FAM3D: variants seen among roughly 807,000 people sequenced by gnomAD.
The protein encoded by FAM3D is protein FAM3D.
FAM3D carries 26 observed loss-of-function variants against 29.8 expected under a neutral mutation model. The observed-to-expected ratio is 0.87, with a 90% confidence interval of 0.64 to 1.21. The LOEUF (loss-of-function observed/expected upper bound fraction) is 1.21, where lower values mean the gene tolerates loss of function less well. Ranked by LOEUF, FAM3D falls within the 50% of genes most tolerant of loss-of-function variation. The probability of loss-of-function intolerance (pLI) is 0.00; values close to 1 mark genes in which losing one functional copy is unlikely to be tolerated. For missense variants in FAM3D, 253 were observed against 290.9 expected (o/e 0.87, Z 0.95); for synonymous variants, 115 against 102.3 (o/e 1.12, Z -0.75).
At chr3:58,662,625 C>G (rs1383306361) in intron 1 of FAM3D, among the ~76,000 whole-genome samples, 1 of 152,118 alleles carries the variant, frequency 6.6e-6, no homozygotes, top group Non-Finnish European at 1.5e-5. Context: ...TGTGGTATGC[C>G]ATCTGTGACT....
At chr3:58,654,492 T>C (rs895220790) in intron 2 of FAM3D, among the ~76,000 whole-genome samples, 5 of 152,192 alleles carry the variant, frequency 3.3e-5, no homozygotes, top group African/African-American at 7.2e-5. Context: ...GCCAGATTGC[T>C]TTCTGATTCC....
chr3:58,659,200 C>T (rs1028805448), intron 1 of FAM3D, among the ~76,000 whole-genome samples: 1 of 152,250 alleles, frequency 6.6e-6, no homozygotes, highest in Non-Finnish European at 1.5e-5. Context: ...CTCATCTCTT[C>T]CCTGTTGACA....
chr3:58,656,929 C>G (rs2066820759), intron 1 of FAM3D, among the ~76,000 whole-genome samples: 1 of 152,164 alleles, frequency 6.6e-6, no homozygotes, highest in South Asian at 2.1e-4. Flanking sequence ...GCAACAGCAG[C>G]AGCAACTGCA....
chr3:58,641,130 C>T (rs1159268906), intron 6 of FAM3D, among the ~76,000 whole-genome samples: 1 of 152,214 alleles, frequency 6.6e-6, no homozygotes, highest in Non-Finnish European at 1.5e-5. Flanking sequence ...CTTAGCAATC[C>T]TTGTGTTGTT....
chr3:58,651,039 T>G lies in FAM3D; in HGVS notation c.122-1701A>C, dbSNP rs555597189. Among the ~76,000 whole-genome samples the G allele has an allele frequency of 1.7e-3, 260 of 152,330 alleles. 1 individual carries two copies. The highest frequency in any genetic ancestry group is 6.1e-3 in the African/African-American group (254 of 41,580). ...GCTGGTCACTCTTATCCGAAAGAAC[T>G]CTGATTAACTTTCTAGGCACAGGGG... On this transcript the variant is annotated intron_variant, in intron 3 of 9. Transcript: ENST00000358781.
chr3:58,659,090 C>T (rs917776089), intron 1 of FAM3D, among the ~76,000 whole-genome samples: 1 of 152,156 alleles, frequency 6.6e-6, no homozygotes, highest in African/African-American at 2.4e-5. Flanking sequence ...TTGATTTCTT[C>T]CTTTGTGAAA....
chr3:58,652,532 C>T (rs558307323), intron 3 of FAM3D, among the ~76,000 whole-genome samples: 1 of 151,694 alleles, frequency 6.6e-6, no homozygotes, highest in Admixed American at 6.6e-5. Context: ...ACCCATCCAT[C>T]TACTCACTCA....
intron 6 of FAM3D, among the ~76,000 whole-genome samples, chr3:58,642,365 T>G (rs1295667460): frequency 6.6e-6 from 1 of 152,196 alleles, no homozygotes; most frequent in Non-Finnish European, 1.5e-5. Context: ...GGCTTGGAGC[T>G]GGCAAGGCCG....
In FAM3D at chr3:58,634,204, C is replaced by G. The variant is rs1347737346; in HGVS notation, c.*75G>C. 2.1e-6 allele frequency: 3 copies of G among 1,396,406 alleles called. No homozygotes were observed. The East Asian group carries it at 6.9e-5, about 32-fold the overall frequency. The allele number at this position is 1,396,406 out of a possible 1,614,324, so 86.5% of individuals were successfully genotyped here. ...AGCACCCCCTGCTCCTCCTCCTCAG[C>G]CCCTGCCGGGCTCTGACTCCTAAGT... is the stretch of plus-strand genomic sequence containing the variant. On this transcript the variant is annotated 3_prime_UTR_variant, in exon 10 of 10. Transcript: ENST00000358781. The surrounding 1 kb of genome is among the most constrained non-coding windows in gnomAD (Gnocchi z 4.6).
intron 8 of FAM3D, 140 bp from the exon 9 acceptor site, chr3:58,636,560 A>C (rs750187467): frequency 8.1e-7 from 1 of 1,238,312 alleles, no homozygotes; most frequent in African/African-American, 1.5e-5. Flanking sequence ...ACGTGGCTGC[A>C]CTCAGGAAGG....
chr3:58,642,758 A>AG (rs769892486), intron 6 of FAM3D, among the ~76,000 whole-genome samples: 6 of 152,148 alleles, frequency 3.9e-5, no homozygotes, highest in Admixed American at 2.0e-4. Context: ...TCCAAGCTGG[A>AG]GGGAGGTTTC....
At chr3:58,641,753 A>C (rs77891096) in intron 6 of FAM3D, among the ~76,000 whole-genome samples, 4,907 of 152,330 alleles carry the variant, frequency 0.032, 114 homozygotes, top group Non-Finnish European at 0.045. Flanking sequence ...ATGGGGTTAA[A>C]TGAAAAGGCA....
At chr3:58,650,760 C>G (rs948954635) in intron 3 of FAM3D, among the ~76,000 whole-genome samples, 18 of 152,174 alleles carry the variant, frequency 1.2e-4, no homozygotes, top group Admixed American at 1.1e-3. Flanking sequence ...CTCCGTCGCC[C>G]AGGCTGGAGT....
intron 6 of FAM3D, among the ~76,000 whole-genome samples, chr3:58,642,744 C>G (rs1330926318): frequency 1.3e-5 from 2 of 152,140 alleles, no homozygotes; most frequent in Non-Finnish European, 1.5e-5. Flanking sequence ...TCCAGCCCCC[C>G]TACTCCAAGC....
At chr3:58,664,224 G>A (rs2066986698) in intron 1 of FAM3D, among the ~76,000 whole-genome samples, 1 of 152,218 alleles carries the variant, frequency 6.6e-6, no homozygotes, top group Non-Finnish European at 1.5e-5. Context: ...TCCATGTACA[G>A]TACTTGGCAC....
intron 1 of FAM3D, among the ~76,000 whole-genome samples, chr3:58,661,459 C>G (rs1022134085): frequency 1.3e-5 from 2 of 152,224 alleles, no homozygotes; most frequent in Non-Finnish European, 2.9e-5. Flanking sequence ...TTTAGGGAGA[C>G]TTTCCTCCCA....
chr3:58,636,038 C>T (rs1165374194), intron 9 of FAM3D, among the ~76,000 whole-genome samples: 3 of 152,232 alleles, frequency 2.0e-5, no homozygotes, highest in African/African-American at 7.2e-5. Flanking sequence ...TTCTTTTCTC[C>T]TTTTCCCTCT....
At position 58,653,889 on chromosome 3, in the gene FAM3D, C is replaced by T. The variant is rs991073028; in HGVS notation, c.14-108G>A. The T allele has an allele frequency of 3.7e-6, 3 of 820,022 alleles. No homozygotes were observed. In the African/African-American group the frequency reaches 5.0e-5, roughly 14 times the overall value. The allele number at this position is 820,022 out of a possible 1,614,324, so 50.8% of individuals were successfully genotyped here. ...ACAGACCCCATGCTATAGGCTCAGACCACATCCATGCTGGGGACCAGACCA... is the reference window on the plus strand; with the variant it reads ...ACAGACCCCATGCTATAGGCTCAGATCACATCCATGCTGGGGACCAGACCA... On this transcript the variant is annotated intron_variant, in intron 2 of 9. Coordinates refer to ENST00000358781, the MANE Select transcript of FAM3D (RefSeq NM_138805.3).
intron 3 of FAM3D, among the ~76,000 whole-genome samples, chr3:58,653,232 A>T (rs1251756106): frequency 1.3e-5 from 2 of 152,156 alleles, no homozygotes; most frequent in Admixed American, 6.5e-5. Flanking sequence ...CTTAGCTGAA[A>T]CTCGAAGGCT....
Sources: allele counts gnomAD v4.1 joint callset (sites outside exome capture counted in the v4.1 genomes callset), GRCh38; gene constraint gnomAD v4.1.1; non-coding constraint Gnocchi (gnomAD v3.1); transcripts MANE v1.5; gene names NCBI Gene and HGNC (gene_info 2026-07-23, HGNC 2026-07-21).